KCNN2: variants seen among roughly 807,000 people sequenced by gnomAD.
The protein encoded by KCNN2 is small conductance calcium-activated potassium channel protein 2.
In KCNN2, 24 loss-of-function variants were observed where a neutral mutation model predicts 55.5. The observed-to-expected ratio is 0.43, with a 90% CI of 0.31 to 0.61. The LOEUF (loss-of-function observed/expected upper bound fraction) is 0.61. Ranked by LOEUF, KCNN2 falls within the 20% of genes least tolerant of loss-of-function variation. The pLI is 0.08. For missense variants in KCNN2, 754 were observed against 853.6 expected (o/e 0.88, Z 1.45); for synonymous variants, 431 against 336.1 (o/e 1.28, Z -3.09).
rs1332077345 is a variant in KCNN2, at chr5:114,364,006, C to T, written c.1218+5C>T. 5 of 1,606,684 alleles carry T rather than the reference C, an allele frequency of 3.1e-6. No individual in the cohort carries two copies. The highest frequency in any genetic ancestry group is 8.5e-7 in the Non-Finnish European group (1 of 1,173,380). ...TACCACGCCAGGGAAATACAGGTAA[C>T]TTAGGTCCTGCTGTTTATGAATGAC... On this transcript the variant is annotated splice_donor_5th_base_variant and intron_variant, in intron 2 of 7. Transcript: ENST00000673685.
At chr5:114,365,070 A>T (rs1757561273) in intron 2 of KCNN2, among the ~76,000 whole-genome samples, 2 of 152,128 alleles carry the variant, frequency 1.3e-5, no homozygotes, top group African/African-American at 4.8e-5. Context: ...ATTAATTTTA[A>T]ATTAGTAATT....
At chr5:114,293,639 C>T (rs7712347) in intron 2 of KCNN2, among the ~76,000 whole-genome samples, 24,886 of 152,016 alleles carry the variant, frequency 0.16, 3,544 homozygotes, top group East Asian at 0.81. Context: ...TCAAGGATAT[C>T]GGTCTAAAAT....
intron 2 of KCNN2, among the ~76,000 whole-genome samples, chr5:114,370,466 A>C (rs1258638088): frequency 6.6e-6 from 1 of 152,112 alleles, no homozygotes; most frequent in Admixed American, 6.6e-5. Context: ...ATAATAAACA[A>C]AATTTTTGGA....
intron 1 of KCNN2, among the ~76,000 whole-genome samples, chr5:114,097,099 T>C (rs1487398922): frequency 6.6e-6 from 1 of 152,156 alleles, no homozygotes; most frequent in Non-Finnish European, 1.5e-5. Context: ...ATCCTGAAAG[T>C]ATTAGATCCA....
At chr5:114,447,203 C>T (rs1760449871) in intron 3 of KCNN2, among the ~76,000 whole-genome samples, 1 of 152,180 alleles carries the variant, frequency 6.6e-6, no homozygotes, top group Non-Finnish European at 1.5e-5. Context: ...TAGAGCACCC[C>T]TGTGGCTACC....
intron 5 of KCNN2, among the ~76,000 whole-genome samples, chr5:114,485,030 G>C (rs1482708904): frequency 6.6e-6 from 1 of 152,088 alleles, no homozygotes; most frequent in African/African-American, 2.4e-5. Flanking sequence ...CCCAAGAGAA[G>C]GAATCATTTA....
intron 2 of KCNN2, among the ~76,000 whole-genome samples, chr5:114,285,629 A>T (rs1755728642): frequency 6.6e-6 from 1 of 152,114 alleles, no homozygotes; most frequent in African/African-American, 2.4e-5. Flanking sequence ...TTTATTCAAT[A>T]ATTGCAGATT....
chr5:114,279,624 A>G (rs1755577205), intron 2 of KCNN2, among the ~76,000 whole-genome samples: 1 of 152,224 alleles, frequency 6.6e-6, no homozygotes, highest in South Asian at 2.1e-4. Flanking sequence ...TGCAAAGGAC[A>G]TGAACTCATC....
intron 1 of KCNN2, among the ~76,000 whole-genome samples, chr5:114,062,450 A>G (rs1750352585): frequency 6.6e-6 from 1 of 152,166 alleles, no homozygotes; most frequent in Non-Finnish European, 1.5e-5. Flanking sequence ...TTTACTGATC[A>G]TTTTCTTCGA....
chr5:114,344,266 G>A (rs1757068468), intron 2 of KCNN2, among the ~76,000 whole-genome samples: 1 of 152,122 alleles, frequency 6.6e-6, no homozygotes, highest in Non-Finnish European at 1.5e-5. Context: ...CAAATATGAG[G>A]GGTTCCCAAA....
intron 1 of KCNN2, among the ~76,000 whole-genome samples, chr5:114,127,975 G>T (rs1179011706): frequency 6.6e-6 from 1 of 152,040 alleles, no homozygotes; most frequent in East Asian, 1.9e-4. Context: ...GGACTTTATT[G>T]TGTATATCAC....
intron 1 of KCNN2, among the ~76,000 whole-genome samples, chr5:114,154,075 T>A (rs918645557): frequency 6.6e-6 from 1 of 152,144 alleles, no homozygotes; most frequent in African/African-American, 2.4e-5. Flanking sequence ...CATGTCTGCT[T>A]CTTTATAAAT....
chr5:114,246,701 A>G (rs1754754845), intron 2 of KCNN2, among the ~76,000 whole-genome samples: 1 of 152,110 alleles, frequency 6.6e-6, no homozygotes, highest in Admixed American at 6.5e-5. Context: ...TTAACTTTCA[A>G]ATGAATAACA....
intron 1 of KCNN2, among the ~76,000 whole-genome samples, chr5:114,220,326 C>T (rs4235755): frequency 0.83 from 125,822 of 151,974 alleles, 52,183 homozygotes; most frequent in East Asian, 0.9. Flanking sequence ...TATTTAAAAA[C>T]ATATATTTAA....
At chr5:114,079,823 A>ATGTGTGTGTG (rs144581575) in intron 1 of KCNN2, among the ~76,000 whole-genome samples, 1 of 147,470 alleles carries the variant, frequency 6.8e-6, no homozygotes, top group African/African-American at 2.5e-5. Flanking sequence ...GATACTTAAT[A>ATGTGTGTGTG]TGTGTGTGTG....
intron 2 of KCNN2, among the ~76,000 whole-genome samples, chr5:114,342,935 G>A (rs10079377): frequency 0.072 from 11,020 of 152,116 alleles, 503 homozygotes; most frequent in African/African-American, 0.13. Flanking sequence ...GTGGTTTGCC[G>A]TACAGATCAC....
intron 3 of KCNN2, among the ~76,000 whole-genome samples, chr5:114,435,148 G>GT (rs1406210989): frequency 6.8e-6 from 1 of 146,474 alleles, no homozygotes; most frequent in Non-Finnish European, 1.5e-5. Context: ...CTCACCCCAG[G>GT]ACCAGGCCTT....
intron 1 of KCNN2, among the ~76,000 whole-genome samples, chr5:114,076,925 C>G (rs996059255): frequency 6.6e-6 from 1 of 152,154 alleles, no homozygotes; most frequent in Non-Finnish European, 1.5e-5. Flanking sequence ...GAACTCCCAA[C>G]CTCAGGTGAT....
chr5:114,127,481 C>A (rs996561403), intron 1 of KCNN2, among the ~76,000 whole-genome samples: 2 of 152,118 alleles, frequency 1.3e-5, no homozygotes, highest in Non-Finnish European at 2.9e-5. Flanking sequence ...GCTGGAGTGT[C>A]TGGGATGCAG....
Sources: allele counts gnomAD v4.1 joint callset (sites outside exome capture counted in the v4.1 genomes callset), GRCh38; gene constraint gnomAD v4.1.1; transcripts MANE v1.5; gene names NCBI Gene and HGNC (gene_info 2026-07-23, HGNC 2026-07-21).